The following RPS6KA2 variants were observed in gnomAD, a reference collection of about 807,000 sequenced individuals.
RPS6KA2 encodes the protein ribosomal protein S6 kinase A2, also known as ribosomal protein S6 kinase alpha-2.
RPS6KA2 carries 42 observed loss-of-function variants against 91.8 expected under a neutral mutation model. That is an observed-to-expected ratio of 0.46 (90% CI 0.36 to 0.59). The LOEUF is 0.59. Among genes scored for constraint, RPS6KA2 ranks in the 20% least tolerant of loss-of-function variants. The pLI is 0.00. For synonymous variants in RPS6KA2, 414 were observed against 393.6 expected (o/e 1.05, Z -0.61); for missense variants, 798 against 978.5 (o/e 0.82, Z 2.46).
At chr6:166,822,645 C>G (rs1459992847) in intron 2 of RPS6KA2, among the ~76,000 whole-genome samples, 1 of 152,210 alleles carries the variant, frequency 6.6e-6, no homozygotes, top group East Asian at 1.9e-4. Context: ...CCTCCCACCA[C>G]CCCATCCAGC....
At chr6:166,680,790 G>A (rs1400065271) in intron 2 of RPS6KA2, among the ~76,000 whole-genome samples, 1 of 152,160 alleles carries the variant, frequency 6.6e-6, no homozygotes. Context: ...TCATCACTAG[G>A]GTCTGTGGCT....
intron 2 of RPS6KA2, among the ~76,000 whole-genome samples, chr6:166,827,641 A>C (rs1780083351): frequency 6.6e-6 from 1 of 152,204 alleles, no homozygotes; most frequent in African/African-American, 2.4e-5. Context: ...GCGTACTGAA[A>C]ATTTGCTGAG....
intron 2 of RPS6KA2, among the ~76,000 whole-genome samples, chr6:166,788,490 G>A (rs773518465): frequency 6.6e-6 from 1 of 152,174 alleles, no homozygotes; most frequent in African/African-American, 2.4e-5. Context: ...TATACACCAT[G>A]GAATACTATG....
At chr6:166,580,429 T>C (rs781771300) in intron 1 of RPS6KA2, among the ~76,000 whole-genome samples, 1 of 152,214 alleles carries the variant, frequency 6.6e-6, no homozygotes, top group Non-Finnish European at 1.5e-5. Flanking sequence ...AGCAGCATTG[T>C]CTTGGGCCAC....
chr6:166,784,337 G>A (rs367995349), intron 2 of RPS6KA2, among the ~76,000 whole-genome samples: 1 of 15,812 alleles, frequency 6.3e-5, no homozygotes, highest in African/African-American at 1.7e-4. Context: ...AACCACATAT[G>A]CACACGTGCA....
intron 2 of RPS6KA2, among the ~76,000 whole-genome samples, chr6:166,534,318 G>T (rs1255679705): frequency 6.6e-6 from 1 of 152,078 alleles, no homozygotes; most frequent in Non-Finnish European, 1.5e-5. Flanking sequence ...TATCCGGGAG[G>T]CTGAGGCAGG....
At position 166,641,719 on chromosome 6, in the gene RPS6KA2, C is replaced by CAAAAAAAAAAAAAAAA. The variant is rs71032871; in HGVS notation, c.124-102951_124-102936dup. Reference sequence around the variant, plus strand: ...TGGGTAAAAGAGTGAGACTCTGTCACAAAAAAAAAAAAAAAAAAAAAAAAA... The same window carrying CAAAAAAAAAAAAAAAA: ...TGGGTAAAAGAGTGAGACTCTGTCACAAAAAAAAAAAAAAAAAAAAAAAAAAAAAAAAAAAAAAAAA... On this transcript the variant is annotated intron_variant, in intron 2 of 21. Transcript: ENST00000503859. Among the ~76,000 whole-genome samples the CAAAAAAAAAAAAAAAA allele has an allele frequency of 4.6e-4, 13 of 28,548 alleles. 1 individual carries two copies. The highest frequency in any genetic ancestry group is 6.2e-4 in the Non-Finnish European group (8 of 12,974). The allele number at this position is 28,548 out of a possible 152,430, so 18.7% of individuals were successfully genotyped here.
Position 166,441,540 on chromosome 6 carries a change from T to C in RPS6KA2, c.1332+7184A>G, listed in dbSNP as rs918206036. 1.4e-4 allele frequency among the ~76,000 whole-genome samples: 22 copies of C among 152,244 alleles called. 2 individuals are homozygous for C. Reference sequence around the variant, plus strand: ...CACGTGATACTGGGAAGCCCCATGGTGAAACCATCCACTGCTTTCTCAATG... The same window carrying C: ...CACGTGATACTGGGAAGCCCCATGGCGAAACCATCCACTGCTTTCTCAATG... On this transcript the variant is annotated intron_variant, in intron 14 of 20. Transcript: ENST00000265678.
chr6:166,606,502 C>T (rs892590939), intron 1 of RPS6KA2, among the ~76,000 whole-genome samples: 1 of 152,024 alleles, frequency 6.6e-6, no homozygotes, highest in Non-Finnish European at 1.5e-5. Flanking sequence ...ATGGTTAACA[C>T]AGAAGTTATG....
intron 2 of RPS6KA2, chr6:166,702,736 A>G: frequency 8.0e-7 from 1 of 1,257,046 alleles, no homozygotes; most frequent in South Asian, 1.2e-5. Context: ...GCCAATCTTC[A>G]CCAGGAAGGG....
In RPS6KA2 at chr6:166,811,094, C is replaced by A. The variant is rs138592278; in HGVS notation, c.123+47106G>T. 3.1e-3 allele frequency among the ~76,000 whole-genome samples: 479 copies of A among 152,354 alleles called. 2 individuals carry two copies. Among genetic ancestry groups the A allele is most frequent in the African/African-American group, 0.011 (458 of 41,582 alleles). The stretch of plus-strand genomic sequence containing the variant: ...TCACACTAAGAAGAGAAAATAAAAT[C>A]TTGAAAAATGACTTAAAGTATAGGT... On this transcript the variant is annotated intron_variant, in intron 2 of 21. Coordinates refer to the RPS6KA2 transcript ENST00000503859.
chr6:166,550,769 A>AGG (rs1562573442), intron 1 of RPS6KA2, among the ~76,000 whole-genome samples: 40 of 152,100 alleles, frequency 2.6e-4, no homozygotes, highest in Non-Finnish European at 4.1e-4. Flanking sequence ...TTGGGAGGCC[A>AGG]AGGCGGTCAG....
chr6:166,668,645 G>A lies in RPS6KA2; in HGVS notation c.124-129861C>T, dbSNP rs571222821. ...GTGACAACCTGGGAACACTGAGAACGGAGGCAGTGCTCAGCTGCTGGGAGC... is the reference window on the plus strand; with the variant it reads ...GTGACAACCTGGGAACACTGAGAACAGAGGCAGTGCTCAGCTGCTGGGAGC... On this transcript the variant is annotated intron_variant, in intron 2 of 21. Transcript: ENST00000503859. 3.3e-5 allele frequency among the ~76,000 whole-genome samples: 5 copies of A among 152,266 alleles called. No individual in the cohort carries two copies. The South Asian group carries it at 6.2e-4, about 19-fold the overall frequency.
At chr6:166,580,376 A>G (rs1020132669) in intron 1 of RPS6KA2, among the ~76,000 whole-genome samples, 2 of 152,260 alleles carry the variant, frequency 1.3e-5, no homozygotes, top group Non-Finnish European at 2.9e-5. Flanking sequence ...AGGAAACTTC[A>G]GAGGTGTCCA....
Position 166,412,610 on chromosome 6 carries a change from G to C in RPS6KA2, c.*152C>G. 1 of 743,682 alleles carries C rather than the reference G, an allele frequency of 1.3e-6. No individual in the cohort carries two copies. The highest frequency in any genetic ancestry group is 2.1e-6 in the Non-Finnish European group (1 of 481,356). 46.1% of individuals were successfully genotyped at this position (743,682 alleles called of 1,614,324 possible). Reference sequence around the variant, plus strand: ...AAGCCCCCAGGTCAGGACCCTCTCCGGGGCTGAAAAAGAAAACACGGACAC... The same window carrying C: ...AAGCCCCCAGGTCAGGACCCTCTCCCGGGCTGAAAAAGAAAACACGGACAC... On this transcript the variant is annotated 3_prime_UTR_variant, in exon 21 of 21. Transcript: ENST00000265678. The surrounding 1 kb of genome is among the most constrained non-coding windows in gnomAD (Gnocchi z 4.3).
At chr6:166,718,004 A>G (rs1170681654) in intron 2 of RPS6KA2, among the ~76,000 whole-genome samples, 4 of 151,752 alleles carry the variant, frequency 2.6e-5, no homozygotes, top group African/African-American at 9.7e-5. Flanking sequence ...GCCCGCTACC[A>G]CGCCCAGCTA....
rs183906974 is a variant in RPS6KA2 at position 166,708,923 on chromosome 6, G to A, written c.123+149277C>T. 2.6e-3 allele frequency among the ~76,000 whole-genome samples: 393 copies of A among 152,336 alleles called. 2 individuals are homozygous for A. The highest frequency in any genetic ancestry group is 2.2e-3 in the Non-Finnish European group (153 of 68,026). On this transcript the variant is annotated intron_variant, in intron 2 of 21. Coordinates refer to the RPS6KA2 transcript ENST00000503859. ...ATTGCAATGTATTAAGTTCTGTGGA[G>A]TAAGTGAAGCCAGTCATGTAGACAA...
intron 2 of RPS6KA2, among the ~76,000 whole-genome samples, chr6:166,649,894 A>C (rs1160186219): frequency 6.6e-6 from 1 of 152,222 alleles, no homozygotes; most frequent in African/African-American, 2.4e-5. Context: ...AGAGGTTTAA[A>C]GGCTCGCCAG....
chr6:166,853,489 T>C (rs888142423), intron 2 of RPS6KA2, among the ~76,000 whole-genome samples: 1 of 152,336 alleles, frequency 6.6e-6, no homozygotes, highest in East Asian at 1.9e-4. Flanking sequence ...GGGCCTCTCC[T>C]GGCCCAAAGC....
Sources: gnomAD v4.1 joint callset for allele counts (sites outside exome capture counted in the v4.1 genomes callset) on GRCh38, gnomAD v4.1.1 for gene constraint, Gnocchi (gnomAD v3.1) non-coding constraint, MANE v1.5 for transcripts, NCBI Gene and HGNC (gene_info 2026-07-23, HGNC 2026-07-21) for gene names.